DGKI: variants seen among roughly 807,000 people sequenced by gnomAD.
DGKI encodes the protein DAG kinase iota.
In DGKI, 55 loss-of-function variants were observed where a neutral mutation model predicts 147.5. The ratio of observed to expected loss-of-function variants is 0.37; its 90% CI spans 0.30 to 0.47. The LOEUF (loss-of-function observed/expected upper bound fraction) is 0.47. Ranked by LOEUF, DGKI falls within the 20% of genes least tolerant of loss-of-function variation. DGKI has a pLI of 1.00. For synonymous variants in DGKI, 469 were observed against 477.1 expected (o/e 0.98, Z 0.22); for missense variants, 1,007 against 1,323.8 (o/e 0.76, Z 3.71).
At chr7:137,659,428 G>A (rs923571398) in intron 3 of DGKI, among the ~76,000 whole-genome samples, 4 of 152,054 alleles carry the variant, frequency 2.6e-5, no homozygotes, top group Admixed American at 6.6e-5. Flanking sequence ...ATAAGCTTCC[G>A]GACAGAAATT....
chr7:137,426,273 C>A (rs975479658), intron 28 of DGKI, among the ~76,000 whole-genome samples: 15 of 152,126 alleles, frequency 9.9e-5, no homozygotes, highest in Non-Finnish European at 1.8e-4. Context: ...GAATTTCCAA[C>A]CCAGAATTTC....
chr7:137,685,634 TC>T (rs1196911385), intron 2 of DGKI, among the ~76,000 whole-genome samples: 3 of 152,184 alleles, frequency 2.0e-5, no homozygotes, highest in African/African-American at 4.8e-5. Context: ...ATTACTTCCT[TC>T]CTTTCTAGTA....
At chr7:137,465,883 C>A (rs747526932) in intron 26 of DGKI, 25 bp downstream of exon 26, 2 of 1,610,324 alleles carry the variant, frequency 1.2e-6, no homozygotes, top group South Asian at 2.2e-5. Flanking sequence ...AGGCCAGCCT[C>A]ACAGGCCAGG....
At chr7:137,617,698 T>C (rs911819578) in intron 8 of DGKI, among the ~76,000 whole-genome samples, 1 of 152,078 alleles carries the variant, frequency 6.6e-6, no homozygotes, top group African/African-American at 2.4e-5. Flanking sequence ...GATGGAATGT[T>C]CTGTATCTTG....
chr7:137,517,331 G>GAA (rs1360276824), intron 21 of DGKI, among the ~76,000 whole-genome samples: 1 of 110,622 alleles, frequency 9.0e-6, no homozygotes, highest in Non-Finnish European at 1.8e-5. Context: ...AAGAAAGAAA[G>GAA]AAAGAAAGAG....
chr7:137,846,780 G>A lies in DGKI; in HGVS notation c.83C>T (p.Ala28Val), dbSNP rs1003204845. 3.7e-6 allele frequency: 4 copies of A among 1,081,496 alleles called. No individual in the cohort carries two copies. Among genetic ancestry groups the A allele is most frequent in the Non-Finnish European group, 4.5e-6 (4 of 893,184 alleles). The allele number at this position is 1,081,496 out of a possible 1,614,324, so 67.0% of individuals were successfully genotyped here. Residue 28 changes from alanine to valine, a missense_variant, in exon 1 of 33, where the codon GCC (alanine) becomes GTC (valine). By Grantham distance (64) the Ala-to-Val change is moderately conservative (BLOSUM62 0). Around this residue, in one of 5 missense-constraint regions of DGKI, gnomAD observed 137 missense variants for 114.4 expected, o/e 1.20. Transcript: ENST00000614521. This position sits in a 1 kb window ranked among gnomAD's most constrained non-coding sequence, Gnocchi z 4.0. ...GPARAPAAAA[A>V]AAASPPGPCS... The stretch of plus-strand genomic sequence containing the variant: ...GGGGCCGGGCGGGCTGGCGGCGGCG[G>A]CGGCGGCGGCTGCAGGAGCGCGGGC...
intron 1 of DGKI, among the ~76,000 whole-genome samples, chr7:137,800,441 C>A (rs1342427572): frequency 1.3e-5 from 2 of 152,030 alleles, no homozygotes; most frequent in African/African-American, 4.8e-5. Flanking sequence ...GTGCTACCTC[C>A]CCCCAACTCT....
chr7:137,468,282 C>T (rs892782542), intron 24 of DGKI, among the ~76,000 whole-genome samples: 1 of 151,890 alleles, frequency 6.6e-6, no homozygotes, highest in Non-Finnish European at 1.5e-5. Context: ...ACCATGACTG[C>T]AATTACCTTT....
chr7:137,804,594 T>G (rs1332084442), intron 1 of DGKI, among the ~76,000 whole-genome samples: 2 of 152,190 alleles, frequency 1.3e-5, no homozygotes, highest in East Asian at 3.8e-4. Context: ...GTTTTTGGTG[T>G]TTGTGTGCTC....
At chr7:137,570,593 ATT>A (rs199646642) in intron 19 of DGKI, among the ~76,000 whole-genome samples, 2,717 of 143,270 alleles carry the variant, frequency 0.019, 50 homozygotes, top group African/African-American at 0.048. Flanking sequence ...CTATAGTGTA[ATT>A]TTTTTTTTTT....
At chr7:137,700,899 A>C (rs1053659650) in intron 1 of DGKI, among the ~76,000 whole-genome samples, 8 of 144,578 alleles carry the variant, frequency 5.5e-5, no homozygotes, top group Non-Finnish European at 9.5e-5. Flanking sequence ...ATAAATAAAT[A>C]AATAAATAAA....
intron 1 of DGKI, among the ~76,000 whole-genome samples, chr7:137,705,583 T>C (rs1468592552): frequency 6.6e-6 from 1 of 152,106 alleles, no homozygotes; most frequent in Admixed American, 6.6e-5. Flanking sequence ...GATGGCTGAT[T>C]GGGAAGGCAC....
intron 3 of DGKI, among the ~76,000 whole-genome samples, chr7:137,668,184 C>T (rs1475780760): frequency 6.6e-6 from 1 of 152,178 alleles, no homozygotes; most frequent in Non-Finnish European, 1.5e-5. Flanking sequence ...AACGTGATTG[C>T]TTCATATGAT....
At chr7:137,674,762 C>G (rs1030062290) in intron 3 of DGKI, among the ~76,000 whole-genome samples, 4 of 152,200 alleles carry the variant, frequency 2.6e-5, no homozygotes, top group Non-Finnish European at 4.4e-5. Flanking sequence ...TTCAAAATCA[C>G]TTATGTAAAT....
At chr7:137,716,292 G>A (rs142790007) in intron 1 of DGKI, among the ~76,000 whole-genome samples, 78 of 152,262 alleles carry the variant, frequency 5.1e-4, no homozygotes, top group African/African-American at 1.7e-3. Context: ...AAGACTCATT[G>A]TCAGAATAAA....
chr7:137,603,420 C>T (rs1474874399), intron 10 of DGKI, among the ~76,000 whole-genome samples: 2 of 152,148 alleles, frequency 1.3e-5, no homozygotes, highest in African/African-American at 2.4e-5. Flanking sequence ...GAGAAAAATA[C>T]ATTAATGAGA....
At chr7:137,800,152 T>G (rs191999221) in intron 1 of DGKI, among the ~76,000 whole-genome samples, 4 of 152,180 alleles carry the variant, frequency 2.6e-5, no homozygotes, top group Admixed American at 2.6e-4. Context: ...AGGTTGGAGT[T>G]GAGATTGTTG....
intron 20 of DGKI, among the ~76,000 whole-genome samples, chr7:137,540,786 A>AAAAAAAAAAAAAAG (rs1817671970): frequency 1.4e-5 from 2 of 142,164 alleles, no homozygotes; most frequent in African/African-American, 2.7e-5. Flanking sequence ...AAAAAAAAAA[A>AAAAAAAAAAAAAAG]AACATTTACA....
At chr7:137,423,290 C>A (rs567213046) in intron 28 of DGKI, among the ~76,000 whole-genome samples, 1 of 152,164 alleles carries the variant, frequency 6.6e-6, no homozygotes, top group Non-Finnish European at 1.5e-5. Flanking sequence ...AAGCTTCAGG[C>A]GTTGGCTTTA....
Sources: gnomAD v4.1 joint callset for allele counts (sites outside exome capture counted in the v4.1 genomes callset) on GRCh38, gnomAD v4.1.1 for gene constraint, gnomAD v4.1.1 regional missense constraint, Gnocchi (gnomAD v3.1) non-coding constraint, MANE v1.5 for transcripts, NCBI Gene and HGNC (gene_info 2026-07-23, HGNC 2026-07-21) for gene names.